Variants in UGGT2 observed in about 807,000 individuals in gnomAD.
UGGT2 encodes the protein UDP-glucose:glycoprotein glucosyltransferase 2.
UGGT2 carries 180 observed loss-of-function variants against 192.1 expected under a neutral mutation model. The ratio of observed to expected loss-of-function variants is 0.94; its 90% CI spans 0.83 to 1.06. UGGT2 has a LOEUF of 1.06. Among genes scored for constraint, UGGT2 ranks in the 50% least tolerant of loss-of-function variants. The pLI is 0.00. For synonymous variants in UGGT2, 580 were observed against 591.0 expected (o/e 0.98, Z 0.27); for missense variants, 1,849 against 1,795.7 (o/e 1.03, Z -0.54).
chr13:95,856,728 T>C (rs1326943963), intron 33 of UGGT2: 2 of 366,088 alleles, frequency 5.5e-6, no homozygotes, highest in Non-Finnish European at 1.0e-5. Context: ...AACAGGTTGG[T>C]TGGTCAGAGA....
chr13:95,906,774 G>A (rs546108903), intron 20 of UGGT2, among the ~76,000 whole-genome samples: 2 of 152,248 alleles, frequency 1.3e-5, no homozygotes, highest in South Asian at 4.1e-4. Context: ...CTTCTTATCA[G>A]AAACAACAGA....
chr13:95,845,395 G>C (rs1888306074), intron 36 of UGGT2, among the ~76,000 whole-genome samples: 1 of 79,752 alleles, frequency 1.3e-5, no homozygotes, highest in Non-Finnish European at 3.1e-5. Context: ...CTGCCTTCAA[G>C]CATCTGTTTA....
intron 17 of UGGT2, among the ~76,000 whole-genome samples, chr13:95,931,195 A>T (rs1291620792): frequency 6.6e-6 from 1 of 152,180 alleles, no homozygotes; most frequent in South Asian, 2.1e-4. Context: ...TCCCCACTAG[A>T]TGAGCTAGAC....
intron 17 of UGGT2, among the ~76,000 whole-genome samples, chr13:95,928,909 A>C (rs1267980344): frequency 6.6e-6 from 1 of 152,156 alleles, no homozygotes; most frequent in East Asian, 1.9e-4. Flanking sequence ...GGCAACATTG[A>C]GCACTAAGTG....
chr13:95,860,065 G>A (rs1213352176), intron 32 of UGGT2, among the ~76,000 whole-genome samples: 1 of 151,922 alleles, frequency 6.6e-6, no homozygotes, highest in African/African-American at 2.4e-5. Flanking sequence ...TTCACTGGAT[G>A]GGTCATTTGG....
intron 29 of UGGT2, among the ~76,000 whole-genome samples, chr13:95,876,714 A>G (rs1891715296): frequency 6.6e-6 from 1 of 152,092 alleles, no homozygotes; most frequent in South Asian, 2.1e-4. Flanking sequence ...TTTCTGTGCT[A>G]CACTGCAGTG....
At chr13:96,014,795 T>C (rs779191967) in intron 4 of UGGT2, among the ~76,000 whole-genome samples, 12 of 152,158 alleles carry the variant, frequency 7.9e-5, no homozygotes, top group Non-Finnish European at 1.2e-4. Flanking sequence ...ACTATTAAAA[T>C]TATTCTCATA....
At chr13:96,026,716 C>A (rs2052678839) in intron 2 of UGGT2, among the ~76,000 whole-genome samples, 1 of 135,270 alleles carries the variant, frequency 7.4e-6, no homozygotes, top group South Asian at 2.3e-4. Flanking sequence ...CCAGGTCGGA[C>A]TGCGGACTGC....
intron 10 of UGGT2, among the ~76,000 whole-genome samples, chr13:95,974,143 ACTT>A (rs2050864117): frequency 6.6e-6 from 1 of 152,236 alleles, no homozygotes; most frequent in Non-Finnish European, 1.5e-5. Flanking sequence ...AGGGAGAAGA[ACTT>A]AAAGTATTTC....
chr13:95,811,586 T>G (rs1292506026), intron 38 of UGGT2, among the ~76,000 whole-genome samples: 1 of 152,204 alleles, frequency 6.6e-6, no homozygotes, highest in Non-Finnish European at 1.5e-5. Flanking sequence ...CATTGAACTA[T>G]ACACTTTGAA....
chr13:95,985,687 A>C (rs2051268913), intron 9 of UGGT2, among the ~76,000 whole-genome samples: 1 of 152,132 alleles, frequency 6.6e-6, no homozygotes, highest in African/African-American at 2.4e-5. Flanking sequence ...GTCATCCCTA[A>C]CCAGAATACA....
At chr13:95,834,499 G>A (rs571525405) in intron 37 of UGGT2, among the ~76,000 whole-genome samples, 1 of 152,246 alleles carries the variant, frequency 6.6e-6, no homozygotes, top group South Asian at 2.1e-4. Context: ...GGAAAGTTGA[G>A]AGAGTATAAT....
At chr13:95,978,332 T>C (rs2051005760) in intron 10 of UGGT2, among the ~76,000 whole-genome samples, 1 of 152,190 alleles carries the variant, frequency 6.6e-6, no homozygotes, top group African/African-American at 2.4e-5. Context: ...ATGCCTTCTT[T>C]TGAGAAATGC....
chr13:95,950,355 C>A (rs1271274615), intron 12 of UGGT2, among the ~76,000 whole-genome samples: 1 of 151,990 alleles, frequency 6.6e-6, no homozygotes, highest in East Asian at 1.9e-4. Flanking sequence ...GTACTATATA[C>A]ACTGTAGACT....
chr13:96,053,238 G>A lies in UGGT2; in HGVS notation c.75C>T (p.Gly25=). Residue 25 remains glycine (G), a synonymous_variant, in exon 1 of 39, where the codon GGC becomes GGT. Transcript: ENST00000376747. ...ACTTGGACGCGGCGACCGTCCCGGA[G>A]CCGAGCTGCGAAAGCCACAGCGCTG... ...GSTALWLSQL[G]SGTVAASKSV... 6.4e-7 allele frequency: 1 copy of A among 1,550,736 alleles called. No homozygotes were observed. Among genetic ancestry groups the A allele is most frequent in the Middle Eastern group, 2.0e-4 (1 of 5,122 alleles).
chr13:95,807,843 G>T (rs1884396308), intron 38 of UGGT2, among the ~76,000 whole-genome samples: 1 of 151,276 alleles, frequency 6.6e-6, no homozygotes, highest in African/African-American at 2.4e-5. Flanking sequence ...TGTATTGCTT[G>T]GGGCTTGATA....
intron 12 of UGGT2, among the ~76,000 whole-genome samples, chr13:95,961,527 G>C (rs1483273846): frequency 6.6e-6 from 1 of 151,914 alleles, no homozygotes; most frequent in Non-Finnish European, 1.5e-5. Flanking sequence ...ATAATAAAGG[G>C]ATAAATTCTT....
intron 38 of UGGT2, among the ~76,000 whole-genome samples, chr13:95,826,443 T>C (rs181142938): frequency 2.5e-4 from 38 of 152,136 alleles, no homozygotes; most frequent in Admixed American, 1.2e-3. Flanking sequence ...TATTTGGAGA[T>C]AAGATGTGGG....
chr13:95,914,632 A>G (rs1320540117), intron 20 of UGGT2, among the ~76,000 whole-genome samples: 1 of 59,064 alleles, frequency 1.7e-5, no homozygotes, highest in African/African-American at 5.3e-5. Flanking sequence ...AAAAAAAAAA[A>G]AAAAAAAAAA....
Sources: gnomAD v4.1 joint callset for allele counts (sites outside exome capture counted in the v4.1 genomes callset) on GRCh38, gnomAD v4.1.1 for gene constraint, MANE v1.5 for transcripts, NCBI Gene and HGNC (gene_info 2026-07-23, HGNC 2026-07-21) for gene names.